The following CABP1 variants were observed in gnomAD, a reference collection of about 807,000 sequenced individuals.
CABP1 encodes calcium binding protein 1.
A neutral mutation model predicts 34.3 loss-of-function variants in CABP1; 17 were observed. That is an observed-to-expected ratio of 0.50 (90% CI 0.34 to 0.74). CABP1 has a LOEUF of 0.74. Ranked by LOEUF, CABP1 falls within the 30% of genes least tolerant of loss-of-function variation. The probability of loss-of-function intolerance (pLI) is 0.01; values close to 1 mark genes in which losing one functional copy is unlikely to be tolerated. For synonymous variants in CABP1, 198 were observed against 229.2 expected (o/e 0.86, Z 1.23); for missense variants, 373 against 511.1 (o/e 0.73, Z 2.61).
chr12:120,644,368 G>C (rs1381868431), intron 1 of CABP1, among the ~76,000 whole-genome samples: 1 of 152,200 alleles, frequency 6.6e-6, no homozygotes, highest in Non-Finnish European at 1.5e-5. Flanking sequence ...AGCTGATTCT[G>C]AGCCAGGTGA....
At chr12:120,677,093 T>G in the CABP1 span, among the ~76,000 whole-genome samples, 1 of 150,928 alleles carries the variant, frequency 6.6e-6, no homozygotes, top group African/African-American at 2.4e-5. Flanking sequence ...GGTTTTTTTT[T>G]TTTTTTTTTC....
At chr12:120,674,215 T>C in the CABP1 span, among the ~76,000 whole-genome samples, 1 of 152,242 alleles carries the variant, frequency 6.6e-6, no homozygotes, top group East Asian at 1.9e-4. Flanking sequence ...GTATTCACTA[T>C]CATTCTTGTC....
the CABP1 span, among the ~76,000 whole-genome samples, chr12:120,677,611 T>C: frequency 6.6e-6 from 1 of 151,840 alleles, no homozygotes; most frequent in African/African-American, 2.4e-5. Flanking sequence ...CTCACGATGT[T>C]GCCCAGGCTA....
chr12:120,672,398 C>G, the CABP1 span, among the ~76,000 whole-genome samples: 1 of 151,392 alleles, frequency 6.6e-6, no homozygotes, highest in Non-Finnish European at 1.5e-5. Flanking sequence ...TTTGGGAGGC[C>G]GAAGTGGGCG....
chr12:120,660,153 G>T lies in CABP1; in HGVS notation c.686-43G>T. ...CTGCCTTTGCCCACAGAGGCTCTGC[G>T]GGTCCTACCCCTGACCACATCCACC... On this transcript the variant is annotated intron_variant, in intron 2 of 5. Coordinates refer to ENST00000316803, the MANE Select transcript of CABP1 (RefSeq NM_001033677.2). The surrounding 1 kb of genome is among the most constrained non-coding windows in gnomAD (Gnocchi z 5.0). 1 of 1,610,364 alleles carries T rather than the reference G, an allele frequency of 6.2e-7. No homozygotes were observed.
At chr12:120,664,891 A>G (rs1038707566) in intron 5 of CABP1, among the ~76,000 whole-genome samples, 7 of 151,214 alleles carry the variant, frequency 4.6e-5, no homozygotes, top group Admixed American at 6.6e-5. Context: ...AAAAAAAAAA[A>G]AGAGAGAGAG....
At position 120,641,836 on chromosome 12, in the gene CABP1, G is replaced by T. The variant is rs940277568; in HGVS notation, c.654+497G>T. Among the ~76,000 whole-genome samples, 11 of 152,198 alleles carry T rather than the reference G, an allele frequency of 7.2e-5. No individual in the cohort carries two copies. Among genetic ancestry groups the T allele is most frequent in the African/African-American group, 2.2e-4 (9 of 41,448 alleles). On this transcript the variant is annotated intron_variant, in intron 1 of 5. Coordinates refer to ENST00000316803, the MANE Select transcript of CABP1 (RefSeq NM_001033677.2). This position sits in a 1 kb window ranked among gnomAD's most constrained non-coding sequence, Gnocchi z 6.7. ...GCCACTGCCTATCATGTCCCTGAAG[G>T]CCTGAGAAAAGTTAGGAGATCCAAA...
chr12:120,654,767 G>A lies in CABP1; in HGVS notation c.655-5111G>A, dbSNP rs545397024. Among the ~76,000 whole-genome samples the A allele has an allele frequency of 7.2e-5, 11 of 152,372 alleles. No homozygotes were observed. In the South Asian group the frequency reaches 1.4e-3, roughly 20 times the overall value. On this transcript the variant is annotated intron_variant, in intron 1 of 5. Transcript: ENST00000316803. The stretch of plus-strand genomic sequence containing the variant: ...CCCGGGAGGCTGGGGAGAACTGAAT[G>A]TTGTGTCTGGAAGCTGCTGTTGTCC...
At chr12:120,670,487 C>T (rs1881215798), downstream of CABP1, among the ~76,000 whole-genome samples, 1 of 152,156 alleles carries the variant, frequency 6.6e-6, no homozygotes, top group African/African-American at 2.4e-5. Context: ...GTGGCTCATA[C>T]CTGTAATCCC....
intron 1 of CABP1, among the ~76,000 whole-genome samples, chr12:120,652,816 C>T (rs1193471877): frequency 6.6e-6 from 1 of 152,198 alleles, no homozygotes; most frequent in Non-Finnish European, 1.5e-5. Flanking sequence ...TCATGAGGCA[C>T]ACTTGCCCCT....
chr12:120,667,758 G>A (rs1881096116), downstream of CABP1, among the ~76,000 whole-genome samples: 1 of 152,174 alleles, frequency 6.6e-6, no homozygotes, highest in Admixed American at 6.5e-5. Context: ...AAAGGGCTGG[G>A]ATTCCAGGCG....
At position 120,666,927 on chromosome 12, in the gene CABP1, C is replaced by A; in HGVS notation, c.*27C>A. On this transcript the variant is annotated 3_prime_UTR_variant, in exon 6 of 6. Transcript: ENST00000316803. ...GCCGCGAGGGCCCCTCCAGGACTGC[C>A]AAGCTCCCAAAGGCGGGGCTAAGAG... is the stretch of plus-strand genomic sequence containing the variant. 1 of 1,596,884 alleles carries A rather than the reference C, an allele frequency of 6.3e-7. No individual in the cohort carries two copies. The highest frequency in any genetic ancestry group is 1.1e-5 in the South Asian group (1 of 89,112).
chr12:120,660,639 G>T lies in CABP1; in HGVS notation c.830-92G>T. On this transcript the variant is annotated intron_variant, in intron 3 of 5. Coordinates refer to ENST00000316803, the MANE Select transcript of CABP1 (RefSeq NM_001033677.2). This position sits in a 1 kb window ranked among gnomAD's most constrained non-coding sequence, Gnocchi z 5.0. ...AAGTTTGTCTCTATCTGATGAGCAG[G>T]TCAAGGAGGGGTTGTCCATTCTGTC... The T allele has an allele frequency of 2.2e-6, 2 of 889,818 alleles. No homozygotes were observed. The highest frequency in any genetic ancestry group is 2.8e-5 in the South Asian group (2 of 72,288). The allele number at this position is 889,818 out of a possible 1,614,324, so 55.1% of individuals were successfully genotyped here. A position where few individuals can be genotyped will look rare whatever the true frequency, so the allele number is the denominator to read the frequency against.
At chr12:120,655,952 G>A in intron 1 of CABP1, 3 of 1,541,224 alleles carry the variant, frequency 1.9e-6, no homozygotes, top group Non-Finnish European at 2.6e-6. Context: ...TGATGCCTGT[G>A]CACGCTCAGG....
chr12:120,654,516 G>A (rs1019493546), intron 1 of CABP1, among the ~76,000 whole-genome samples: 2 of 152,248 alleles, frequency 1.3e-5, no homozygotes, highest in African/African-American at 4.8e-5. Context: ...AGGATGGAAG[G>A]ATAGGGTGCG....
chr12:120,677,882 C>T, the CABP1 span, among the ~76,000 whole-genome samples: 1 of 152,216 alleles, frequency 6.6e-6, no homozygotes, highest in African/African-American at 2.4e-5. Context: ...CTGGGCCTGG[C>T]TGGCTTCTTC....
At chr12:120,676,684 C>G in the CABP1 span, among the ~76,000 whole-genome samples, 1 of 152,200 alleles carries the variant, frequency 6.6e-6, no homozygotes, top group African/African-American at 2.4e-5. Flanking sequence ...GCCTCAGCCT[C>G]CCAAAGTGTT....
Position 120,660,263 on chromosome 12 carries a change from C to G in CABP1, c.753C>G (p.Gly251=). 2 of 1,614,140 alleles carry G rather than the reference C, an allele frequency of 1.2e-6. No individual in the cohort carries two copies. Among genetic ancestry groups the G allele is most frequent in the Non-Finnish European group, 1.7e-6 (2 of 1,180,004 alleles). Residue 251 remains glycine, a synonymous_variant, in exon 3 of 6, where the codon GGC becomes GGG. Transcript: ENST00000316803. This position sits in a 1 kb window ranked among gnomAD's most constrained non-coding sequence, Gnocchi z 5.0. The part of the protein sequence containing the change: ...KDGYINCRDL[G]NCMRTMGYMP... The stretch of plus-strand genomic sequence containing the variant: ...GCTACATCAACTGCCGGGATCTGGG[C>G]AACTGCATGCGCACCATGGGCTACA...
chr12:120,642,996 A>G (rs201582234), intron 1 of CABP1, among the ~76,000 whole-genome samples: 22 of 22,732 alleles, frequency 9.7e-4, no homozygotes, highest in East Asian at 6.6e-3. Context: ...TCAGCTCCTG[A>G]AAAAAAAAAA....
Sources: allele counts gnomAD v4.1 joint callset (sites outside exome capture counted in the v4.1 genomes callset), GRCh38; gene constraint gnomAD v4.1.1; non-coding constraint Gnocchi (gnomAD v3.1); transcripts MANE v1.5; gene names NCBI Gene and HGNC (gene_info 2026-07-23, HGNC 2026-07-21).